CACNA2D3: variants seen among roughly 807,000 people sequenced by gnomAD.
CACNA2D3 encodes voltage-dependent calcium channel subunit alpha-2/delta-3.
A neutral mutation model predicts 160.6 loss-of-function variants in CACNA2D3; 60 were observed. The observed-to-expected ratio is 0.37, with a 90% CI of 0.30 to 0.46. The LOEUF (loss-of-function observed/expected upper bound fraction) is 0.46, where lower values mean the gene tolerates loss of function less well. Ranked by LOEUF, CACNA2D3 falls within the 20% of genes least tolerant of loss-of-function variation. The pLI, the probability that CACNA2D3 is intolerant of heterozygous loss-of-function variation, is 1.00. For missense variants in CACNA2D3, 1,205 were observed against 1,365.0 expected (o/e 0.88, Z 1.85); for synonymous variants, 558 against 492.9 (o/e 1.13, Z -1.75).
chr3:54,382,335 C>T (rs972059366), intron 3 of CACNA2D3, among the ~76,000 whole-genome samples: 12 of 152,092 alleles, frequency 7.9e-5, no homozygotes, highest in Non-Finnish European at 2.9e-5. Context: ...GTTTTAAAAA[C>T]GTATTTCATT....
At chr3:55,029,415 A>G (rs1703636724) in intron 35 of CACNA2D3, among the ~76,000 whole-genome samples, 1 of 152,222 alleles carries the variant, frequency 6.6e-6, no homozygotes, top group Admixed American at 6.5e-5. Context: ...CATAGTGCAG[A>G]ATAAATGCTT....
intron 2 of CACNA2D3, among the ~76,000 whole-genome samples, chr3:54,256,022 G>T (rs1211764746): frequency 2.0e-5 from 3 of 152,194 alleles, no homozygotes; most frequent in Non-Finnish European, 4.4e-5. Flanking sequence ...TTGGAAATAG[G>T]AAGTCATTGT....
Position 54,325,672 on chromosome 3 carries a change from C to T in CACNA2D3, c.321+5114C>T, listed in dbSNP as rs1372494232. ...TATAGGATAGTATCTGTTGTGGTAGCGTTTCAAGCAAAACATTACAATTAA... is the reference window on the plus strand; with the variant it reads ...TATAGGATAGTATCTGTTGTGGTAGTGTTTCAAGCAAAACATTACAATTAA... On this transcript the variant is annotated intron_variant, in intron 3 of 37. Transcript: ENST00000474759. 4.6e-5 allele frequency among the ~76,000 whole-genome samples: 7 copies of T among 152,084 alleles called. No individual in the cohort carries two copies. In the East Asian group the frequency reaches 7.7e-4, roughly 17 times the overall value.
intron 4 of CACNA2D3, among the ~76,000 whole-genome samples, chr3:54,467,224 C>T (rs542239340): frequency 6.6e-6 from 1 of 152,268 alleles, no homozygotes; most frequent in African/African-American, 2.4e-5. Context: ...GTCTAACCAA[C>T]TGGGACTGGT....
intron 34 of CACNA2D3, among the ~76,000 whole-genome samples, chr3:55,015,856 G>A (rs1458785874): frequency 6.6e-6 from 1 of 152,106 alleles, no homozygotes; most frequent in Non-Finnish European, 1.5e-5. Flanking sequence ...CAAAACAGAC[G>A]CACTGAAAAA....
At chr3:54,306,750 G>C (rs1343484333) in intron 2 of CACNA2D3, among the ~76,000 whole-genome samples, 3 of 152,204 alleles carry the variant, frequency 2.0e-5, no homozygotes, top group Non-Finnish European at 4.4e-5. Context: ...GTGGTGCCTG[G>C]AAGCAGCCTG....
At chr3:54,476,170 C>A (rs1431968028) in intron 4 of CACNA2D3, among the ~76,000 whole-genome samples, 1 of 148,458 alleles carries the variant, frequency 6.7e-6, no homozygotes, top group Admixed American at 6.8e-5. Context: ...CAAATGGTAG[C>A]ATTTCCTTCT....
intron 9 of CACNA2D3, among the ~76,000 whole-genome samples, chr3:54,615,598 T>C (rs1447610958): frequency 6.6e-6 from 1 of 152,234 alleles, no homozygotes; most frequent in Non-Finnish European, 1.5e-5. Flanking sequence ...ACTGTGTAAC[T>C]GTGACAAAGT....
intron 4 of CACNA2D3, among the ~76,000 whole-genome samples, chr3:54,453,130 C>CATA (rs1429890627): frequency 1.3e-5 from 2 of 151,938 alleles, no homozygotes; most frequent in Non-Finnish European, 2.9e-5. Flanking sequence ...CTGCTGGGAC[C>CATA]ATAAGTATGC....
At position 54,809,508 on chromosome 3, in the gene CACNA2D3, C is replaced by T. The variant is rs920224385; in HGVS notation, c.1381-7345C>T. Among the ~76,000 whole-genome samples the T allele has an allele frequency of 6.2e-5, 9 of 144,170 alleles. 1 individual carries two copies. Among genetic ancestry groups the T allele is most frequent in the Non-Finnish European group, 1.0e-4 (7 of 67,272 alleles). The allele number at this position is 144,170 out of a possible 152,430, so 94.6% of individuals were successfully genotyped here. A position where few individuals can be genotyped will look rare whatever the true frequency, so the allele number is the denominator to read the frequency against. On this transcript the variant is annotated intron_variant, in intron 13 of 37. Coordinates refer to ENST00000474759, the MANE Select transcript of CACNA2D3 (RefSeq NM_018398.3). The stretch of plus-strand genomic sequence containing the variant: ...TAATTTTTTGTATTTTTAGTAGAGA[C>T]GGGGTTTCACCTTGTTAGCCAGGAT...
Position 55,069,496 on chromosome 3 carries a change from T to C in CACNA2D3, c.2988-3949T>C, listed in dbSNP as rs150495973. 4.0e-4 allele frequency among the ~76,000 whole-genome samples: 61 copies of C among 152,012 alleles called. 1 individual carries two copies. In the East Asian group the frequency reaches 9.8e-3, roughly 24 times the overall value. On this transcript the variant is annotated intron_variant, in intron 35 of 37. Transcript: ENST00000474759. ...TTCTTGGGCCTTTTATACTGATTAT[T>C]GATACTATCAATGGTTCTTTATTTC...
At chr3:54,681,118 GGAGAGAGAGAGAGAGA>G (rs71096435) in intron 11 of CACNA2D3, among the ~76,000 whole-genome samples, 1 of 149,630 alleles carries the variant, frequency 6.7e-6, no homozygotes, top group African/African-American at 2.5e-5. Flanking sequence ...TATTATCTAA[GGAGAGAGAGAGAGAGA>G]GAGACAGAGA....
intron 27 of CACNA2D3, among the ~76,000 whole-genome samples, chr3:54,934,675 T>C (rs1701285164): frequency 6.6e-6 from 1 of 152,152 alleles, no homozygotes; most frequent in African/African-American, 2.4e-5. Flanking sequence ...CTAGAAAAGA[T>C]ATTGCATACT....
intron 13 of CACNA2D3, among the ~76,000 whole-genome samples, chr3:54,779,345 C>G (rs1009010343): frequency 6.6e-6 from 1 of 152,182 alleles, no homozygotes; most frequent in Admixed American, 6.5e-5. Flanking sequence ...GTGATCCACC[C>G]ACCTTGGCCT....
intron 27 of CACNA2D3, among the ~76,000 whole-genome samples, chr3:54,926,651 A>C (rs1362658191): frequency 6.6e-6 from 1 of 152,250 alleles, no homozygotes; most frequent in Non-Finnish European, 1.5e-5. Flanking sequence ...TGATCTATCC[A>C]CATGGATACG....
At chr3:54,752,126 C>G (rs1701868641) in intron 11 of CACNA2D3, among the ~76,000 whole-genome samples, 2 of 152,182 alleles carry the variant, frequency 1.3e-5, no homozygotes, top group Admixed American at 1.3e-4. Flanking sequence ...AATATCATGC[C>G]AGACACCACA....
intron 4 of CACNA2D3, among the ~76,000 whole-genome samples, chr3:54,463,053 A>G (rs1035717149): frequency 4.6e-5 from 7 of 151,842 alleles, no homozygotes; most frequent in African/African-American, 1.7e-4. Flanking sequence ...TTGGCTGGAT[A>G]TGAAATTCTG....
chr3:54,575,804 A>C (rs1440821193), intron 8 of CACNA2D3, among the ~76,000 whole-genome samples: 1 of 152,190 alleles, frequency 6.6e-6, no homozygotes, highest in Non-Finnish European at 1.5e-5. Context: ...TGATGGGACA[A>C]GGCAGGGAGA....
At chr3:54,419,123 A>T (rs1358442322) in intron 4 of CACNA2D3, among the ~76,000 whole-genome samples, 1 of 152,246 alleles carries the variant, frequency 6.6e-6, no homozygotes, top group Non-Finnish European at 1.5e-5. Flanking sequence ...CAATGCCGCC[A>T]GCAGAATTGG....
Sources: gnomAD v4.1 joint callset for allele counts (sites outside exome capture counted in the v4.1 genomes callset) on GRCh38, gnomAD v4.1.1 for gene constraint, MANE v1.5 for transcripts, NCBI Gene and HGNC (gene_info 2026-07-23, HGNC 2026-07-21) for gene names.